Variants in NRXN1 observed in about 807,000 individuals in gnomAD.
NRXN1 encodes the protein neurexin 1.
A neutral mutation model predicts 150.9 loss-of-function variants in NRXN1; 39 were observed. The ratio of observed to expected loss-of-function variants is 0.26; its 90% confidence interval spans 0.20 to 0.34. NRXN1 has a LOEUF of 0.34. Ranked by LOEUF, NRXN1 falls within the 10% of genes least tolerant of loss-of-function variation. The probability of loss-of-function intolerance (pLI) is 1.00; values close to 1 mark genes in which losing one functional copy is unlikely to be tolerated. For synonymous variants in NRXN1, 924 were observed against 757.0 expected (o/e 1.22, Z -3.62); for missense variants, 1,815 against 1,949.9 (o/e 0.93, Z 1.30).
At chr2:50,760,329 G>C (rs62140592) in intron 5 of NRXN1, among the ~76,000 whole-genome samples, 2 of 151,840 alleles carry the variant, frequency 1.3e-5, no homozygotes, top group African/African-American at 4.8e-5. Context: ...ATGGAAAGGC[G>C]TTAGTCACAC....
At chr2:49,933,816 A>G (rs948366819) in intron 22 of NRXN1, among the ~76,000 whole-genome samples, 1 of 152,154 alleles carries the variant, frequency 6.6e-6, no homozygotes, top group Non-Finnish European at 1.5e-5. Context: ...ACAATTATAC[A>G]GTTTTGCAAT....
chr2:50,915,227 C>G (rs554805580), intron 5 of NRXN1, among the ~76,000 whole-genome samples: 5 of 151,666 alleles, frequency 3.3e-5, no homozygotes, highest in Non-Finnish European at 7.4e-5. Context: ...AATATATCTA[C>G]TTAGCTTTTC....
intron 2 of NRXN1, among the ~76,000 whole-genome samples, chr2:50,996,985 AAT>A (rs1349184709): frequency 6.6e-6 from 1 of 152,006 alleles, no homozygotes; most frequent in Non-Finnish European, 1.5e-5. Flanking sequence ...CGTAAGGAGA[AAT>A]ATGAGTCAAT....
chr2:50,551,277 T>C (rs1166166940), intron 9 of NRXN1: 3 of 152,166 alleles, frequency 2.0e-5, no homozygotes, highest in Non-Finnish European at 4.4e-5. Context: ...TGACCTTCCT[T>C]CTCTCCACAC....
At chr2:50,066,558 A>G (rs1024727525) in intron 19 of NRXN1, among the ~76,000 whole-genome samples, 1 of 152,206 alleles carries the variant, frequency 6.6e-6, no homozygotes, top group Non-Finnish European at 1.5e-5. Flanking sequence ...AAGGTTGACA[A>G]TTGATCATTA....
intron 21 of NRXN1, chr2:49,974,091 T>A: frequency 1.4e-6 from 1 of 717,014 alleles, no homozygotes; most frequent in South Asian, 1.5e-5. Context: ...AAATCAATAC[T>A]GGTGACAGGA....
At chr2:50,217,699 G>A (rs776864137) in intron 18 of NRXN1, among the ~76,000 whole-genome samples, 17 of 152,124 alleles carry the variant, frequency 1.1e-4, no homozygotes, top group African/African-American at 3.6e-4. Context: ...CCTGGTTGAA[G>A]GTCATCTTTC....
intron 17 of NRXN1, among the ~76,000 whole-genome samples, chr2:50,456,245 G>C (rs2087545992): frequency 6.6e-6 from 1 of 152,028 alleles, no homozygotes; most frequent in Non-Finnish European, 1.5e-5. Context: ...ATCATTTCAA[G>C]TTAAGAAATG....
At chr2:50,627,167 A>G (rs76592975) in intron 5 of NRXN1, among the ~76,000 whole-genome samples, 10,062 of 151,938 alleles carry the variant, frequency 0.066, 389 homozygotes, top group Admixed American at 0.099. Context: ...ACCAACTGTA[A>G]TAAGTTTCTT....
chr2:50,357,536 A>G (rs2078907533), intron 17 of NRXN1, among the ~76,000 whole-genome samples: 2 of 151,842 alleles, frequency 1.3e-5, no homozygotes, highest in East Asian at 3.9e-4. Context: ...TCGAACTCCC[A>G]ACCTCAGGTG....
At chr2:50,605,805 A>T (rs944599932) in intron 8 of NRXN1, among the ~76,000 whole-genome samples, 1 of 152,128 alleles carries the variant, frequency 6.6e-6, no homozygotes, top group African/African-American at 2.4e-5. Context: ...TCAGCCAAAA[A>T]AAAAATGAAG....
At chr2:50,359,670 T>C (rs930160937) in intron 17 of NRXN1, among the ~76,000 whole-genome samples, 21 of 152,088 alleles carry the variant, frequency 1.4e-4, no homozygotes, top group African/African-American at 4.6e-4. Context: ...TGGAACCAAG[T>C]TGGAAAACAC....
At chr2:50,316,267 T>C (rs370106798) in intron 17 of NRXN1, among the ~76,000 whole-genome samples, 1 of 152,030 alleles carries the variant, frequency 6.6e-6, no homozygotes, top group South Asian at 2.1e-4. Flanking sequence ...GACATTTCCA[T>C]TCCAACTGAA....
chr2:50,859,379 A>G (rs1474424256), intron 5 of NRXN1, among the ~76,000 whole-genome samples: 1 of 152,072 alleles, frequency 6.6e-6, no homozygotes, highest in African/African-American at 2.4e-5. Flanking sequence ...TTAAGTGTCA[A>G]TGTAAAGCCA....
chr2:50,173,025 G>C (rs758237233), intron 18 of NRXN1, among the ~76,000 whole-genome samples: 1 of 152,134 alleles, frequency 6.6e-6, no homozygotes, highest in Non-Finnish European at 1.5e-5. Flanking sequence ...GCTTGCTATA[G>C]ATAAATAAAC....
Position 50,740,421 on chromosome 2 carries a change from C to A in NRXN1, c.833-116806G>T, listed in dbSNP as rs562306404. On this transcript the variant is annotated intron_variant, in intron 5 of 22. Transcript: ENST00000401669. ...CTGCACCCATTTTGTGATCACAGTG[C>A]GACATAACTAAGGGCAAAAGCCAAT... Among the ~76,000 whole-genome samples the A allele has an allele frequency of 1.1e-4, 16 of 152,164 alleles. No individual in the cohort carries two copies. The East Asian group carries it at 2.9e-3, about 28-fold the overall frequency.
At chr2:50,768,412 C>T (rs1018556964) in intron 5 of NRXN1, among the ~76,000 whole-genome samples, 1 of 151,754 alleles carries the variant, frequency 6.6e-6, no homozygotes, top group African/African-American at 2.4e-5. Flanking sequence ...GAGCTCTAGC[C>T]ATCTTTAAAC....
intron 2 of NRXN1, among the ~76,000 whole-genome samples, chr2:51,017,976 G>C (rs58492856): frequency 6.6e-6 from 1 of 152,048 alleles, no homozygotes; most frequent in Non-Finnish European, 1.5e-5. Context: ...CCATTACTTA[G>C]AAGAAAAAAC....
intron 17 of NRXN1, among the ~76,000 whole-genome samples, chr2:50,315,173 T>C (rs1188803347): frequency 2.6e-5 from 4 of 152,040 alleles, no homozygotes; most frequent in Non-Finnish European, 5.9e-5. Context: ...ATGTGAGCTT[T>C]TTTTTCCCCC....
Sources: allele counts gnomAD v4.1 joint callset (sites outside exome capture counted in the v4.1 genomes callset), GRCh38; gene constraint gnomAD v4.1.1; transcripts MANE v1.5; gene names NCBI Gene and HGNC (gene_info 2026-07-23, HGNC 2026-07-21).